The following ACP6 variants were observed in gnomAD, a reference collection of about 807,000 sequenced individuals.
The protein encoded by ACP6 is acid phosphatase 6, lysophosphatidic.
A neutral mutation model predicts 48.1 loss-of-function variants in ACP6; 48 were observed. That is an observed-to-expected ratio of 1.00 (90% confidence interval 0.79 to 1.27). The LOEUF (loss-of-function observed/expected upper bound fraction) is 1.27. Among genes scored for constraint, ACP6 ranks in the 50% most tolerant of loss-of-function variants. The pLI is 0.00. For missense variants in ACP6, 485 were observed against 529.1 expected (o/e 0.92, Z 0.82); for synonymous variants, 172 against 204.2 (o/e 0.84, Z 1.34).
intron 1 of ACP6, among the ~76,000 whole-genome samples, chr1:147,668,334 G>C (rs3753427): frequency 0.26 from 38,795 of 151,618 alleles, 5,458 homozygotes; most frequent in African/African-American, 0.37. Context: ...AACCATAAAG[G>C]CAGAAGATAT....
chr1:147,635,553 T>C (rs1659274819), intron 5 of ACP6, among the ~76,000 whole-genome samples: 2 of 152,314 alleles, frequency 1.3e-5, no homozygotes, highest in South Asian at 4.1e-4. Flanking sequence ...GCTTCTAGTA[T>C]TATCATGAGT....
intron 1 of ACP6, among the ~76,000 whole-genome samples, chr1:147,661,315 A>ATT (rs34221504): frequency 0.12 from 17,349 of 148,962 alleles, 1,172 homozygotes; most frequent in East Asian, 0.34. Context: ...TGCCCAGCTA[A>ATT]TTTTTTTTTT....
chr1:147,664,067 TC>T (rs1660680289), intron 1 of ACP6, among the ~76,000 whole-genome samples: 1 of 152,138 alleles, frequency 6.6e-6, no homozygotes, highest in African/African-American at 2.4e-5. Flanking sequence ...TCTCTTGGCA[TC>T]TAGGGAGCCC....
intron 1 of ACP6, among the ~76,000 whole-genome samples, chr1:147,669,616 G>T (rs587773138): frequency 3.7e-4 from 56 of 152,342 alleles, no homozygotes; most frequent in African/African-American, 1.2e-3. Context: ...GCGCCATCAG[G>T]GCAAAACTGG....
rs1214445559 is a variant in ACP6, at chr1:147,646,602, G to C, written c.*821C>G. 6.6e-6 allele frequency: 1 copy of C among 152,148 alleles called. No homozygotes were observed. Among genetic ancestry groups the C allele is most frequent in the East Asian group, 1.9e-4 (1 of 5,178 alleles). 9.4% of individuals were successfully genotyped at this position (152,148 alleles called of 1,614,324 possible). A position where few individuals can be genotyped will look rare whatever the true frequency, so the allele number is the denominator to read the frequency against. ...AGGGGGATCATCAGGTACTCTTAGG[G>C]GGCACAGTTAAAGGTGGAGCTCTTA... is the stretch of plus-strand genomic sequence containing the variant. On this transcript the variant is annotated 3_prime_UTR_variant, in exon 10 of 10. Transcript: ENST00000583509.
intron 1 of ACP6, among the ~76,000 whole-genome samples, chr1:147,664,666 A>G (rs1660712427): frequency 6.6e-6 from 1 of 152,138 alleles, no homozygotes; most frequent in Admixed American, 6.6e-5. Context: ...AGCTCCAACA[A>G]TTTGCCAGCT....
rs1659589521 is a variant in ACP6 at position 147,645,495 on chromosome 1, A to G, written c.*1928T>C. The stretch of plus-strand genomic sequence containing the variant: ...GACACCCCAACACTTACGGATTAGA[A>G]AAAGGTAGATTCAGCAGGAACAAAG... On this transcript the variant is annotated 3_prime_UTR_variant, in exon 10 of 10. Transcript: ENST00000583509. 6.6e-6 allele frequency: 1 copy of G among 152,270 alleles called. No individual in the cohort carries two copies. 9.4% of individuals were successfully genotyped at this position (152,270 alleles called of 1,614,324 possible).
chr1:147,651,563 A>T (rs587708115), intron 7 of ACP6: 1 of 152,198 alleles, frequency 6.6e-6, no homozygotes, highest in South Asian at 2.1e-4. Flanking sequence ...GCACCCCTTC[A>T]CAAGCAGAAA....
chr1:147,640,043 G>C (rs1275167175), downstream of ACP6, among the ~76,000 whole-genome samples: 1 of 152,054 alleles, frequency 6.6e-6, no homozygotes. Context: ...CTGGACCCTA[G>C]TTTCCTTAAG....
At chr1:147,647,756 CA>C (rs1255055286) in intron 9 of ACP6, 190 bp from the exon 10 acceptor site, 5 of 750,328 alleles carry the variant, frequency 6.7e-6, no homozygotes, top group Non-Finnish European at 1.0e-5. Flanking sequence ...AAAAGTCACT[CA>C]AAAAGTGTTG....
rs587692956 is a variant in ACP6 at position 147,655,274 on chromosome 1, C to A, written c.560-26G>T. ...CTGGAAGAAAGGGAGGAAGCACAGGCAGGCAGAGGCTTCAGCTTGTTCTTC... is the reference window on the plus strand; with the variant it reads ...CTGGAAGAAAGGGAGGAAGCACAGGAAGGCAGAGGCTTCAGCTTGTTCTTC... On this transcript the variant is annotated intron_variant, in intron 4 of 9. Transcript: ENST00000583509. 7.0e-5 allele frequency: 107 copies of A among 1,539,406 alleles called. 2 individuals carry two copies. In the South Asian group the frequency reaches 1.2e-3, roughly 17 times the overall value.
intron 1 of ACP6, among the ~76,000 whole-genome samples, chr1:147,668,415 G>GAT (rs79430492): frequency 0.085 from 12,483 of 146,184 alleles, 1,230 homozygotes; most frequent in African/African-American, 0.24. Flanking sequence ...GTGCCTTCAG[G>GAT]ATATATATAT....
chr1:147,635,888 TC>T (rs781803807), intron 5 of ACP6, among the ~76,000 whole-genome samples: 19 of 152,086 alleles, frequency 1.2e-4, no homozygotes, highest in Non-Finnish European at 2.2e-4. Context: ...CTAGCCCACC[TC>T]TCCCATCTAA....
chr1:147,636,078 G>A (rs587756508), intron 5 of ACP6, among the ~76,000 whole-genome samples: 4 of 152,276 alleles, frequency 2.6e-5, no homozygotes, highest in African/African-American at 9.6e-5. Context: ...GATGGTACTT[G>A]AAATTGATTA....
At chr1:147,652,745 A>C in intron 6 of ACP6, 196 bp from the exon 7 acceptor site, 1 of 771,146 alleles carries the variant, frequency 1.3e-6, no homozygotes, top group Non-Finnish European at 1.8e-6. Flanking sequence ...TAGATACCTG[A>C]AGGCCAGGAA....
chr1:147,654,467 T>A (rs1325870780), intron 5 of ACP6, 141 bp from the exon 6 acceptor site: 4 of 883,152 alleles, frequency 4.5e-6, no homozygotes, highest in African/African-American at 3.4e-5. Flanking sequence ...CCCAATTTTA[T>A]AGATGAATAA....
chr1:147,647,409 C>CTTTTATAAA lies in ACP6; in HGVS notation c.*5_*13dup, dbSNP rs781953813. ...TTTATTTTAAAATCAACACATCCTG[C>CTTTTATAAA]TTTTATAAATCAGTTACTCTTCATT... On this transcript the variant is annotated 3_prime_UTR_variant, in exon 10 of 10. Transcript: ENST00000583509. The CTTTTATAAA allele has an allele frequency of 6.2e-7, 1 of 1,613,728 alleles. No homozygotes were observed. The highest frequency in any genetic ancestry group is 2.2e-5 in the East Asian group (1 of 44,890).
At chr1:147,631,815 AAACAACAAC>A (rs113812686) in intron 5 of ACP6, among the ~76,000 whole-genome samples, 1 of 151,422 alleles carries the variant, frequency 6.6e-6, no homozygotes, top group African/African-American at 2.4e-5. Flanking sequence ...CTCTGTCTTA[AAACAACAAC>A]AACAACAACA....
intron 5 of ACP6, chr1:147,631,145 G>T (rs149854326): frequency 4.6e-5 from 7 of 152,288 alleles, no homozygotes; most frequent in East Asian, 3.9e-4. Context: ...TACAAAGGAA[G>T]AACCAGGCCC....
Sources: gnomAD v4.1 joint callset for allele counts (sites outside exome capture counted in the v4.1 genomes callset) on GRCh38, gnomAD v4.1.1 for gene constraint, MANE v1.5 for transcripts, NCBI Gene and HGNC (gene_info 2026-07-23, HGNC 2026-07-21) for gene names.